Variants in RNGTT observed in about 807,000 individuals in gnomAD.
RNGTT encodes the protein RNA guanylyltransferase and 5'-phosphatase, also known as mRNA-capping enzyme.
A neutral mutation model predicts 79.3 loss-of-function variants in RNGTT; 33 were observed. The ratio of observed to expected loss-of-function variants is 0.42; its 90% confidence interval spans 0.32 to 0.56. RNGTT has a LOEUF of 0.56. RNGTT is among the 20% of genes least tolerant of loss of function. RNGTT has a pLI of 0.17. For synonymous variants in RNGTT, 222 were observed against 235.9 expected, an observed-to-expected ratio of 0.94 and a Z score of 0.54; for missense variants, 497 against 739.1, an observed-to-expected ratio of 0.67 and a Z score of 3.80.
intron 11 of RNGTT, among the ~76,000 whole-genome samples, chr6:88,823,005 T>G (rs1323384433): frequency 6.6e-6 from 1 of 152,042 alleles, no homozygotes; most frequent in Non-Finnish European, 1.5e-5. Flanking sequence ...TAGGAGAACA[T>G]ATTTCTGACC....
chr6:88,713,899 C>T (rs1776408516), intron 13 of RNGTT, among the ~76,000 whole-genome samples: 1 of 152,152 alleles, frequency 6.6e-6, no homozygotes, highest in Admixed American at 6.5e-5. Flanking sequence ...TTTCTTCCCC[C>T]TTGCTCTCAT....
intron 13 of RNGTT, among the ~76,000 whole-genome samples, chr6:88,762,825 G>A (rs992966934): frequency 6.6e-6 from 1 of 152,210 alleles, no homozygotes; most frequent in Non-Finnish European, 1.5e-5. Context: ...GAGAACCTGA[G>A]TAAAGAGTGG....
intron 12 of RNGTT, among the ~76,000 whole-genome samples, chr6:88,770,791 C>T (rs1028438939): frequency 5.9e-5 from 9 of 152,196 alleles, no homozygotes; most frequent in African/African-American, 2.2e-4. Flanking sequence ...CATTGTCAGT[C>T]TTCTTAATTT....
intron 13 of RNGTT, among the ~76,000 whole-genome samples, chr6:88,720,944 A>C (rs1282948401): frequency 6.6e-6 from 1 of 152,050 alleles, no homozygotes; most frequent in Non-Finnish European, 1.5e-5. Flanking sequence ...GTTAGTTCAA[A>C]CTTTGGATGG....
At chr6:88,845,029 T>C (rs896031133) in intron 10 of RNGTT, among the ~76,000 whole-genome samples, 1 of 152,154 alleles carries the variant, frequency 6.6e-6, no homozygotes, top group Non-Finnish European at 1.5e-5. Context: ...AGAAAAAATA[T>C]ATACTCACTA....
chr6:88,834,133 A>G (rs781759679), intron 11 of RNGTT, among the ~76,000 whole-genome samples: 11 of 152,228 alleles, frequency 7.2e-5, no homozygotes, highest in Non-Finnish European at 1.5e-4. Context: ...CATATTTAGC[A>G]AACATAGAAA....
chr6:88,727,052 C>T lies in RNGTT; in HGVS notation c.1439+42722G>A, dbSNP rs114559357. 2.2e-3 allele frequency among the ~76,000 whole-genome samples: 336 copies of T among 151,622 alleles called. 1 individual carries two copies. Among genetic ancestry groups the T allele is most frequent in the African/African-American group, 7.9e-3 (327 of 41,310 alleles). On this transcript the variant is annotated intron_variant, in intron 13 of 15. Coordinates refer to ENST00000369485, the MANE Select transcript of RNGTT (RefSeq NM_003800.5). ...GGAATGTTATATGGTAAATTTTTGT[C>T]CTAAAATAACTGGTTGTTTAAAGAA...
At chr6:88,901,411 A>G (rs965367910) in intron 6 of RNGTT, among the ~76,000 whole-genome samples, 2 of 151,746 alleles carry the variant, frequency 1.3e-5, no homozygotes, top group African/African-American at 4.8e-5. Context: ...AGAAGCAACA[A>G]GGTAGCTAAC....
intron 1 of RNGTT, 150 bp downstream of exon 1, chr6:88,963,196 A>T: frequency 1.4e-6 from 1 of 716,372 alleles, no homozygotes; most frequent in Non-Finnish European, 2.3e-6. Context: ...TCATGTTCCC[A>T]TTCATCCACG....
intron 1 of RNGTT, among the ~76,000 whole-genome samples, chr6:88,953,543 C>T (rs574062993): frequency 6.8e-4 from 103 of 152,208 alleles, no homozygotes; most frequent in African/African-American, 2.4e-3. Context: ...GTTTGAAAAA[C>T]TTATTTGAGG....
chr6:88,843,546 T>A (rs923533156), intron 11 of RNGTT, among the ~76,000 whole-genome samples: 2 of 142,142 alleles, frequency 1.4e-5, no homozygotes, highest in Non-Finnish European at 3.0e-5. Flanking sequence ...TTTAGTATGA[T>A]TCTTTTTTTT....
intron 1 of RNGTT, among the ~76,000 whole-genome samples, chr6:88,961,784 C>T (rs567645800): frequency 1.3e-5 from 2 of 152,322 alleles, no homozygotes; most frequent in East Asian, 3.9e-4. Context: ...ATGATGCAGC[C>T]ATTCCTCTCC....
chr6:88,802,367 A>ATC (rs1165498597), intron 11 of RNGTT, among the ~76,000 whole-genome samples: 2 of 152,178 alleles, frequency 1.3e-5, no homozygotes, highest in African/African-American at 4.8e-5. Context: ...TCAATGCCAT[A>ATC]TCAACAGAGT....
chr6:88,649,820 A>G (rs1773730294), intron 14 of RNGTT, among the ~76,000 whole-genome samples: 1 of 152,202 alleles, frequency 6.6e-6, no homozygotes, highest in Non-Finnish European at 1.5e-5. Context: ...GACCCAGCCC[A>G]GGGCATTCAG....
chr6:88,758,200 G>A (rs140187689), intron 13 of RNGTT, among the ~76,000 whole-genome samples: 3 of 152,240 alleles, frequency 2.0e-5, no homozygotes, highest in African/African-American at 4.8e-5. Flanking sequence ...AGTGATTAAC[G>A]TTTGGCAAAA....
At chr6:88,869,667 A>C (rs1450248112) in intron 8 of RNGTT, among the ~76,000 whole-genome samples, 1 of 152,154 alleles carries the variant, frequency 6.6e-6, no homozygotes, top group African/African-American at 2.4e-5. Flanking sequence ...GGTTGCTACT[A>C]GTCTTTGTTC....
Position 88,704,275 on chromosome 6 carries a change from A to AACAAAC in RNGTT, c.1440-25857_1440-25856insGTTTGT, listed in dbSNP as rs1562206075. 9.4e-3 allele frequency among the ~76,000 whole-genome samples: 1,409 copies of AACAAAC among 150,388 alleles called. 33 individuals are homozygous for AACAAAC. The highest frequency in any genetic ancestry group is 0.032 in the African/African-American group (1,318 of 40,948). On this transcript the variant is annotated intron_variant, in intron 13 of 15. Coordinates refer to ENST00000369485, the MANE Select transcript of RNGTT (RefSeq NM_003800.5). ...ACTCTGTCTCAAAAAAAAAAAAAAA[A>AACAAAC]AAAAAAAAAAAGACAGACTTCAATC...
chr6:88,742,585 G>A (rs1260877746), intron 13 of RNGTT, among the ~76,000 whole-genome samples: 1 of 152,130 alleles, frequency 6.6e-6, no homozygotes, highest in Admixed American at 6.6e-5. Context: ...TAGAAGTCAC[G>A]GCATGCTCTG....
At chr6:88,638,256 T>C (rs1773173769) in intron 14 of RNGTT, among the ~76,000 whole-genome samples, 1 of 152,192 alleles carries the variant, frequency 6.6e-6, no homozygotes, top group African/African-American at 2.4e-5. Flanking sequence ...GTATGAGCAA[T>C]TTTCTCACAG....
Sources: allele counts gnomAD v4.1 joint callset (sites outside exome capture counted in the v4.1 genomes callset), GRCh38; gene constraint gnomAD v4.1.1; transcripts MANE v1.5; gene names NCBI Gene and HGNC (gene_info 2026-07-23, HGNC 2026-07-21).